The following NRF1 variants were observed in gnomAD, a reference collection of about 807,000 sequenced individuals.
The protein encoded by NRF1 is alpha palindromic-binding protein.
Under a neutral mutation model 58.5 loss-of-function variants are expected in NRF1, and 5 were observed. The observed-to-expected ratio is 0.09, with a 90% CI of 0.04 to 0.18. The LOEUF (loss-of-function observed/expected upper bound fraction) is 0.18. Ranked by LOEUF, NRF1 falls within the 10% of genes least tolerant of loss-of-function variation. NRF1 has a pLI of 1.00. For missense variants in NRF1, 288 were observed against 657.7 expected (o/e 0.44, Z 6.15); for synonymous variants, 224 against 246.7 (o/e 0.91, Z 0.86).
chr7:129,684,653 G>T (rs981837594), intron 4 of NRF1, among the ~76,000 whole-genome samples: 4 of 151,984 alleles, frequency 2.6e-5, no homozygotes, highest in African/African-American at 9.7e-5. Context: ...ATCAAATTTT[G>T]ATTTTCATTT....
intron 1 of NRF1, among the ~76,000 whole-genome samples, chr7:129,651,137 A>C (rs751790119): frequency 2.0e-5 from 3 of 152,046 alleles, no homozygotes; most frequent in Non-Finnish European, 4.4e-5. Flanking sequence ...AAATGGTTAG[A>C]GAGGCCGGGT....
intron 10 of NRF1, among the ~76,000 whole-genome samples, chr7:129,745,787 T>C (rs1385893733): frequency 6.6e-6 from 1 of 152,214 alleles, no homozygotes; most frequent in African/African-American, 2.4e-5. Context: ...GCATTGCCAG[T>C]AATTTCAAGA....
At chr7:129,676,792 A>T (rs557505592) in intron 3 of NRF1, among the ~76,000 whole-genome samples, 9 of 152,230 alleles carry the variant, frequency 5.9e-5, no homozygotes, top group Admixed American at 5.2e-4. Context: ...AATTTGTTTT[A>T]AAGAAAGATC....
At chr7:129,750,498 C>T (rs1214849457) in intron 10 of NRF1, among the ~76,000 whole-genome samples, 1 of 47,218 alleles carries the variant, frequency 2.1e-5, no homozygotes, top group Non-Finnish European at 7.9e-5. Flanking sequence ...GTCTTAAAAT[C>T]CCTACAGTGG....
chr7:129,693,713 T>G (rs1562972717), intron 5 of NRF1, among the ~76,000 whole-genome samples: 1 of 152,190 alleles, frequency 6.6e-6, no homozygotes, highest in African/African-American at 2.4e-5. Flanking sequence ...TCTAGAGGCA[T>G]TCTGACTGGT....
At chr7:129,645,046 TA>T (rs201771420) in intron 1 of NRF1, among the ~76,000 whole-genome samples, 10,512 of 136,118 alleles carry the variant, frequency 0.077, 402 homozygotes, top group African/African-American at 0.14. Context: ...TCACCCAGTG[TA>T]AAAAAAAAAA....
At chr7:129,669,999 A>G (rs1802011353) in intron 2 of NRF1, among the ~76,000 whole-genome samples, 1 of 152,258 alleles carries the variant, frequency 6.6e-6, no homozygotes, top group South Asian at 2.1e-4. Flanking sequence ...ACAATGGAAC[A>G]TTATTCACCC....
chr7:129,663,885 G>T (rs4272311), intron 2 of NRF1, among the ~76,000 whole-genome samples: 64,045 of 152,074 alleles, frequency 0.42, 15,771 homozygotes, highest in African/African-American at 0.68. Flanking sequence ...AGCACCTCGG[G>T]AGGCCGAGGT....
intron 1 of NRF1, among the ~76,000 whole-genome samples, chr7:129,628,751 C>T (rs1406134874): frequency 1.3e-5 from 2 of 152,164 alleles, no homozygotes; most frequent in Non-Finnish European, 2.9e-5. Flanking sequence ...TATATTAAAA[C>T]TCAGCAGTGG....
chr7:129,655,162 T>C (rs1695792582), intron 1 of NRF1, among the ~76,000 whole-genome samples: 1 of 152,246 alleles, frequency 6.6e-6, no homozygotes, highest in Non-Finnish European at 1.5e-5. Flanking sequence ...ATATAGATCT[T>C]GTACATATTT....
intron 5 of NRF1, among the ~76,000 whole-genome samples, chr7:129,693,975 A>G (rs1802628948): frequency 6.6e-6 from 1 of 152,196 alleles, no homozygotes. Flanking sequence ...TTTAGTTATT[A>G]TCATTTTGGA....
rs559478791 is a variant in NRF1, at chr7:129,706,621, G to A, written c.607-2454G>A. Among the ~76,000 whole-genome samples, 7 of 152,248 alleles carry A rather than the reference G, an allele frequency of 4.6e-5. No individual in the cohort carries two copies. The East Asian group carries it at 1.2e-3, about 25-fold the overall frequency. ...GACAAGTAGATTGGAGAGAGGGTAGGGTAGGAGTTTAAGTGAAGAGGCTGA... is the reference window on the plus strand; with the variant it reads ...GACAAGTAGATTGGAGAGAGGGTAGAGTAGGAGTTTAAGTGAAGAGGCTGA... On this transcript the variant is annotated intron_variant, in intron 5 of 10. Coordinates refer to ENST00000393232, the MANE Select transcript of NRF1 (RefSeq NM_005011.5).
chr7:129,731,158 C>T (rs955082648), intron 10 of NRF1, among the ~76,000 whole-genome samples: 8 of 151,636 alleles, frequency 5.3e-5, no homozygotes, highest in Non-Finnish European at 1.2e-4. Flanking sequence ...GTAATCCCAG[C>T]GAATCGGGAG....
At chr7:129,742,396 C>T (rs1470192144) in intron 10 of NRF1, among the ~76,000 whole-genome samples, 1 of 151,818 alleles carries the variant, frequency 6.6e-6, no homozygotes, top group East Asian at 1.9e-4. Flanking sequence ...CTACAAAGAC[C>T]ATGCTATCAG....
At chr7:129,681,654 A>G (rs1562968958) in intron 4 of NRF1, among the ~76,000 whole-genome samples, 1 of 152,126 alleles carries the variant, frequency 6.6e-6, no homozygotes, top group Admixed American at 6.5e-5. Context: ...GCTCACTGCA[A>G]TCTCCTCCTC....
intron 3 of NRF1, 134 bp downstream of exon 3, chr7:129,671,677 A>C (rs1359216837): frequency 3.4e-6 from 2 of 582,634 alleles, no homozygotes; most frequent in Non-Finnish European, 6.1e-6. Context: ...ACTTAAAAGT[A>C]TTCTTACAAA....
At chr7:129,701,816 C>G (rs1049363213) in intron 5 of NRF1, among the ~76,000 whole-genome samples, 1 of 152,102 alleles carries the variant, frequency 6.6e-6, no homozygotes, top group African/African-American at 2.4e-5. Flanking sequence ...TGTAAGCAAT[C>G]TAAATGTTTA....
chr7:129,658,072 C>T (rs775859839), intron 2 of NRF1, among the ~76,000 whole-genome samples: 8 of 152,090 alleles, frequency 5.3e-5, no homozygotes, highest in African/African-American at 1.4e-4. Context: ...ATTCCAATTA[C>T]GTTAAACAGA....
intron 10 of NRF1, among the ~76,000 whole-genome samples, chr7:129,734,593 A>C (rs1451672250): frequency 1.3e-5 from 2 of 152,228 alleles, no homozygotes; most frequent in Non-Finnish European, 2.9e-5. Context: ...CGGGCTCAGC[A>C]GCCCTCCCTC....
Sources: allele counts gnomAD v4.1 joint callset (sites outside exome capture counted in the v4.1 genomes callset), GRCh38; gene constraint gnomAD v4.1.1; transcripts MANE v1.5; gene names NCBI Gene and HGNC (gene_info 2026-07-23, HGNC 2026-07-21).